RAVER1: variants seen among roughly 807,000 people sequenced by gnomAD.
RAVER1 encodes ribonucleoprotein PTB-binding 1.
A neutral mutation model predicts 68.4 loss-of-function variants in RAVER1; 36 were observed. That is an observed-to-expected ratio of 0.53 (90% CI 0.40 to 0.70). The LOEUF (loss-of-function observed/expected upper bound fraction) is 0.70. Among genes scored for constraint, RAVER1 ranks in the 30% least tolerant of loss-of-function variants. The pLI is 0.00. For missense variants in RAVER1, 933 were observed against 1,019.8 expected, an observed-to-expected ratio of 0.91 and a Z score of 1.16; for synonymous variants, 469 against 472.7, an observed-to-expected ratio of 0.99 and a Z score of 0.10.
At chr19:10,327,513 A>G (rs2040483680) in intron 3 of RAVER1, among the ~76,000 whole-genome samples, 1 of 152,080 alleles carries the variant, frequency 6.6e-6, no homozygotes, top group Admixed American at 6.5e-5. Flanking sequence ...TCAGCCTCCC[A>G]AAGTGTTAGG....
intron 3 of RAVER1, among the ~76,000 whole-genome samples, chr19:10,324,724 T>A (rs1363316090): frequency 1.3e-5 from 2 of 151,744 alleles, no homozygotes; most frequent in African/African-American, 4.8e-5. Flanking sequence ...CTCAGAGGGG[T>A]CACAGAGTGA....
intron 10 of RAVER1, among the ~76,000 whole-genome samples, 168 bp downstream of exon 10, chr19:10,318,998 T>G (rs2040415006): frequency 6.6e-6 from 1 of 152,116 alleles, no homozygotes; most frequent in African/African-American, 2.4e-5. Context: ...TGAGCTATCA[T>G]GGAGCCACTG....
rs1347204799 is a variant in RAVER1 at position 10,321,084 on chromosome 19, G to T, written c.1437C>A (p.Leu479=). The change falls in exon 8 of 13, where the codon CTC becomes CTA. Residue 479 remains leucine, a synonymous_variant. Transcript: ENST00000617231. ...TCGGCAGAGGCCCACTGTCTTTCTG[G>T]AGGCCTCTGAGGCCAGAGCCTCGGA... ...VGLRGSGLRG[L]QKDSGPLPTP... 16 of 1,344,532 alleles carry T rather than the reference G, an allele frequency of 1.2e-5. No homozygotes were observed. Among genetic ancestry groups the T allele is most frequent in the Non-Finnish European group, 1.5e-5 (16 of 1,049,598 alleles). 83.3% of individuals were successfully genotyped at this position (1,344,532 alleles called of 1,614,324 possible). A position where few individuals can be genotyped will look rare whatever the true frequency, so the allele number is the denominator to read the frequency against.
At chr19:10,331,618 G>C (rs987372222) in intron 1 of RAVER1, among the ~76,000 whole-genome samples, 2 of 128,522 alleles carry the variant, frequency 1.6e-5, no homozygotes, top group Non-Finnish European at 3.1e-5. Flanking sequence ...CCCGAGGGGT[G>C]AAGGTTGCAG....
intron 1 of RAVER1, among the ~76,000 whole-genome samples, chr19:10,331,364 A>T (rs1368129909): frequency 8.1e-6 from 1 of 124,180 alleles, no homozygotes; most frequent in East Asian, 2.2e-4. Context: ...CTCAAAAAAA[A>T]AAAAAAAAAA....
In RAVER1 at chr19:10,320,656, G is replaced by A. The variant is rs773784315; in HGVS notation, c.1769C>T (p.Ser590Leu). 5.0e-5 allele frequency: 77 copies of A among 1,550,360 alleles called. 1 individual carries two copies. Among genetic ancestry groups the A allele is most frequent in the East Asian group, 3.4e-4 (14 of 41,284 alleles). ...LSDSYSFDYP[S>L]DMGPRRLFSH... ...AGAGAGCTGCAGCCAGGCACTCACC[G>A]AGGGGTAGTCGAAGCTGTAGCTGTC... The change falls in exon 9 of 13, where the codon TCG becomes TTG. Residue 590 changes from serine (S) to leucine (L), a missense_variant and splice_region_variant. Physicochemically the swap from Ser to Leu is moderately radical, Grantham distance 145 (BLOSUM62 -2). Around this residue, in one of 3 missense-constraint regions of RAVER1, gnomAD observed 699 missense variants for 731.1 expected, o/e 0.96. Transcript: ENST00000617231.
chr19:10,320,702 G>A lies in RAVER1; in HGVS notation c.1723C>T (p.Pro575Ser). 6.5e-7 allele frequency: 1 copy of A among 1,544,148 alleles called. No homozygotes were observed. Among genetic ancestry groups the A allele is most frequent in the Non-Finnish European group, 8.7e-7 (1 of 1,152,562 alleles). Residue 575 changes from proline to serine, a missense_variant, in exon 9 of 13, where the codon CCC (proline) becomes TCC (serine). Transcript: ENST00000617231. ...LLSPLSSARL[P>S]PEPGLSDSYS... is the part of the protein sequence containing the mutation. ...CTGTCAGACAGTCCTGGTTCGGGGG[G>A]CAGGCGGGCGCTGCTGAGGGGGCTG...
chr19:10,320,320 A>G (rs2040426428), intron 9 of RAVER1, among the ~76,000 whole-genome samples: 1 of 151,908 alleles, frequency 6.6e-6, no homozygotes, highest in Non-Finnish European at 1.5e-5. Context: ...CCTGGACAAC[A>G]CAATGAGACT....
chr19:10,320,610 A>C, intron 9 of RAVER1, 45 bp downstream of exon 9: 1 of 1,492,316 alleles, frequency 6.7e-7, no homozygotes, highest in South Asian at 1.3e-5. Context: ...CAGTTTGGAG[A>C]ATGATTTGGC....
rs755857080 is a variant in RAVER1 at position 10,317,648 on chromosome 19, C to T, written c.2073+42G>A. ...GGCGGGTCAGGGGCCGCTGGGGGGC[C>T]GGGGCTTCCCAGCCCTGCATGTCCC... On this transcript the variant is annotated intron_variant, in intron 12 of 12. Coordinates refer to ENST00000617231, the MANE Select transcript of RAVER1 (RefSeq NM_133452.3). This position sits in a 1 kb window ranked among gnomAD's most constrained non-coding sequence, Gnocchi z 4.3. 2.4e-5 allele frequency: 37 copies of T among 1,538,214 alleles called. No homozygotes were observed. Among genetic ancestry groups the T allele is most frequent in the South Asian group, 9.4e-5 (8 of 85,408 alleles).
Position 10,322,279 on chromosome 19 carries a change from C to T in RAVER1, c.1173+366G>A. 1 of 260,540 alleles carries T rather than the reference C, an allele frequency of 3.8e-6. No individual in the cohort carries two copies. Among genetic ancestry groups the T allele is most frequent in the Non-Finnish European group, 7.3e-6 (1 of 137,848 alleles). The allele number at this position is 260,540 out of a possible 1,614,324, so 16.1% of individuals were successfully genotyped here. A position where few individuals can be genotyped will look rare whatever the true frequency, so the allele number is the denominator to read the frequency against. On this transcript the variant is annotated intron_variant, in intron 6 of 12. Coordinates refer to ENST00000617231, the MANE Select transcript of RAVER1 (RefSeq NM_133452.3). The surrounding 1 kb of genome is among the most constrained non-coding windows in gnomAD (Gnocchi z 4.3). Reference sequence around the variant, plus strand: ...AGGGGATAGACCTGGAGTTTTTTCCCAGGCATGTCTATAGAGCTTCCGAGC... The same window carrying T: ...AGGGGATAGACCTGGAGTTTTTTCCTAGGCATGTCTATAGAGCTTCCGAGC...
Position 10,333,285 on chromosome 19 carries a change from A to T in RAVER1, c.219+4T>A. On this transcript the variant is annotated splice_donor_region_variant and intron_variant, in intron 1 of 12. Transcript: ENST00000617231. This position sits in a 1 kb window ranked among gnomAD's most constrained non-coding sequence, Gnocchi z 4.2. ...CCACGCTCCTACACCGCCCCCCCCA[A>T]TACCTGGTTGGTCACGTCCCCCGGG... 6.2e-7 allele frequency: 1 copy of T among 1,611,498 alleles called. No individual in the cohort carries two copies. The highest frequency in any genetic ancestry group is 8.5e-7 in the Non-Finnish European group (1 of 1,178,374).
rs901194796 is a variant in RAVER1 at position 10,316,964 on chromosome 19, G to A, written c.*490C>T. 3.3e-5 allele frequency: 6 copies of A among 179,272 alleles called. No homozygotes were observed. The highest frequency in any genetic ancestry group is 1.2e-4 in the African/African-American group (5 of 41,532). The allele number at this position is 179,272 out of a possible 1,614,324, so 11.1% of individuals were successfully genotyped here. On this transcript the variant is annotated 3_prime_UTR_variant, in exon 13 of 13. Coordinates refer to ENST00000617231, the MANE Select transcript of RAVER1 (RefSeq NM_133452.3). ...TGTGGAATGGTGGCCCGGACAGGCCGGGCCTTGAAGGAATCAGAGCTGGGG... is the reference window on the plus strand; with the variant it reads ...TGTGGAATGGTGGCCCGGACAGGCCAGGCCTTGAAGGAATCAGAGCTGGGG...
At position 10,319,188 on chromosome 19, in the gene RAVER1, G is replaced by A. The variant is rs918461302; in HGVS notation, c.1823C>T (p.Pro608Leu). The A allele has an allele frequency of 6.2e-7, 1 of 1,613,776 alleles. No individual in the cohort carries two copies. Among genetic ancestry groups the A allele is most frequent in the African/African-American group, 1.3e-5 (1 of 74,956 alleles). Residue 608 changes from proline (P) to leucine (L), a missense_variant, in exon 10 of 13, where the codon CCT becomes CTT. Physicochemically the swap from Pro to Leu is moderately conservative, Grantham distance 98 (BLOSUM62 -3). This residue lies in a region of RAVER1 where 699 missense variants were observed against 731.1 expected (regional missense o/e 0.96). Coordinates refer to ENST00000617231, the MANE Select transcript of RAVER1 (RefSeq NM_133452.3). ...FSHPREPALG[P>L]HGPSRHKMSP... is the part of the protein sequence containing the mutation. ...TACCTTGTGTCGGCTGGGTCCGTGA[G>A]GCCCAAGGGCTGGTTCCCGTGGGTG... is the stretch of plus-strand genomic sequence containing the variant.
chr19:10,328,933 G>A lies in RAVER1; in HGVS notation c.465C>T (p.Phe155=), dbSNP rs150272169. 18 of 1,610,488 alleles carry A rather than the reference G, an allele frequency of 1.1e-5. No individual in the cohort carries two copies. The East Asian group carries it at 2.2e-4, about 20-fold the overall frequency. ...QQQFEELVRP[F]GSLERCFLVY... is the part of the protein sequence containing the mutation. ...CCAGGAAGCAGCGCTCCAGGCTGCC[G>A]AAGGGCCGCACCAGCTCCTCGAACT... Residue 155 remains phenylalanine (F), a synonymous_variant, in exon 3 of 13, where the codon TTC becomes TTT. Coordinates refer to ENST00000617231, the MANE Select transcript of RAVER1 (RefSeq NM_133452.3). This position sits in a 1 kb window ranked among gnomAD's most constrained non-coding sequence, Gnocchi z 4.4.
rs1462192307 is a variant in RAVER1, at chr19:10,320,641, A to T, written c.1770+14T>A. On this transcript the variant is annotated intron_variant, in intron 9 of 12. Coordinates refer to ENST00000617231, the MANE Select transcript of RAVER1 (RefSeq NM_133452.3). ...TTGGCCTTAGGGGACAGAGAGCTGCAGCCAGGCACTCACCGAGGGGTAGTC... is the reference window on the plus strand; with the variant it reads ...TTGGCCTTAGGGGACAGAGAGCTGCTGCCAGGCACTCACCGAGGGGTAGTC... 3.2e-6 allele frequency: 5 copies of T among 1,544,354 alleles called. No individual in the cohort carries two copies. Among genetic ancestry groups the T allele is most frequent in the Non-Finnish European group, 2.6e-6 (3 of 1,147,460 alleles).
chr19:10,331,219 A>G (rs1437875558), intron 1 of RAVER1, among the ~76,000 whole-genome samples: 1 of 150,462 alleles, frequency 6.6e-6, no homozygotes, highest in Admixed American at 6.6e-5. Context: ...GCGCGGTGGC[A>G]GGCGCCTGTA....
intron 3 of RAVER1, among the ~76,000 whole-genome samples, chr19:10,327,300 G>A (rs1036470658): frequency 1.3e-5 from 2 of 152,070 alleles, no homozygotes; most frequent in Non-Finnish European, 2.9e-5. Context: ...CTGTTGCTCA[G>A]GCTGTAGTGT....
At chr19:10,321,352 C>G (rs1426063982) in intron 7 of RAVER1, 93 bp from the exon 8 acceptor site, 1 of 806,450 alleles carries the variant, frequency 1.2e-6, no homozygotes, top group African/African-American at 1.8e-5. Context: ...GCCCAGGGGT[C>G]AAGAGACAAA....
Sources: allele counts gnomAD v4.1 joint callset (sites outside exome capture counted in the v4.1 genomes callset), GRCh38; gene constraint gnomAD v4.1.1; regional missense constraint gnomAD v4.1.1; non-coding constraint Gnocchi (gnomAD v3.1); transcripts MANE v1.5; gene names NCBI Gene and HGNC (gene_info 2026-07-23, HGNC 2026-07-21).